Variants in SLC1A6 observed in about 807,000 individuals in gnomAD.
SLC1A6 encodes solute carrier family 1 member 6.
SLC1A6 carries 15 observed loss-of-function variants against 42.1 expected under a neutral mutation model. The observed-to-expected ratio is 0.36, with a 90% CI of 0.24 to 0.55. SLC1A6 has a LOEUF of 0.55. Among genes scored for constraint, SLC1A6 ranks in the 20% least tolerant of loss-of-function variants. The pLI is 0.88. For synonymous variants in SLC1A6, 317 were observed against 319.7 expected, an observed-to-expected ratio of 0.99 and a Z score of 0.09; for missense variants, 542 against 772.5, an observed-to-expected ratio of 0.70 and a Z score of 3.54.
At position 15,000,234 on chromosome 19, in the gene SLC1A6, AACCT is replaced by A. The variant is rs2145240112; in HGVS notation, c.6+10247_6+10250del. ...ACTTATGATGGGTTTATCAGGATGT[AACCT>A]TATCATAAGTTGAGGAAAATCTCTA... On this transcript the variant is annotated intron_variant, in intron 1 of 8. Coordinates refer to the SLC1A6 transcript ENST00000430939. Among the ~76,000 whole-genome samples the A allele has an allele frequency of 1.3e-5, 2 of 152,328 alleles. 1 individual carries two copies. The highest frequency in any genetic ancestry group is 4.1e-4 in the South Asian group (2 of 4,834).
chr19:14,971,213 A>T (rs1334332877), intron 3 of SLC1A6, among the ~76,000 whole-genome samples: 1 of 152,196 alleles, frequency 6.6e-6, no homozygotes, highest in Non-Finnish European at 1.5e-5. Context: ...TTCAAGGGTC[A>T]ACCCTAGTTG....
At chr19:15,007,841 A>G (rs2045903063) in intron 1 of SLC1A6, among the ~76,000 whole-genome samples, 1 of 151,964 alleles carries the variant, frequency 6.6e-6, no homozygotes, top group Admixed American at 6.6e-5. Flanking sequence ...CCTGGCTAAC[A>G]TGGTGAAACC....
chr19:14,989,555 C>T (rs767124751), intron 1 of SLC1A6, among the ~76,000 whole-genome samples: 30 of 146,170 alleles, frequency 2.1e-4, no homozygotes, highest in East Asian at 7.9e-4. Context: ...CCACCGTGCC[C>T]GGCCAAAAAT....
intron 3 of SLC1A6, 32 bp from the exon 4 acceptor site, chr19:14,968,539 C>G (rs1239218330): frequency 6.5e-7 from 1 of 1,550,318 alleles, no homozygotes; most frequent in Non-Finnish European, 8.8e-7. Context: ...CCCCGCAGCT[C>G]CATGCATACC....
At chr19:14,984,669 C>A (rs957688192), upstream of SLC1A6, among the ~76,000 whole-genome samples, 8 of 152,138 alleles carry the variant, frequency 5.3e-5, no homozygotes, top group Non-Finnish European at 1.2e-4. Context: ...TTTAACCATG[C>A]ATGATTTTGA....
At chr19:14,968,571 C>A in intron 3 of SLC1A6, 64 bp from the exon 4 acceptor site, 1 of 1,359,648 alleles carries the variant, frequency 7.4e-7, no homozygotes. Flanking sequence ...CTCCTAGCAT[C>A]CGTTCCACCC....
chr19:14,997,764 C>T (rs1032667569), intron 1 of SLC1A6, among the ~76,000 whole-genome samples: 2 of 152,124 alleles, frequency 1.3e-5, no homozygotes, highest in African/African-American at 4.8e-5. Flanking sequence ...TGGTTGAAAG[C>T]CACAGGAATT....
intron 1 of SLC1A6, among the ~76,000 whole-genome samples, chr19:14,999,101 A>G (rs544111604): frequency 6.8e-4 from 103 of 152,008 alleles, no homozygotes; most frequent in African/African-American, 2.3e-3. Flanking sequence ...GATGGTCTCA[A>G]TCTCCTGACC....
At chr19:14,996,568 T>TTCTTCTTCC (rs2045848398) in intron 1 of SLC1A6, among the ~76,000 whole-genome samples, 1 of 150,570 alleles carries the variant, frequency 6.6e-6, no homozygotes, top group African/African-American at 2.4e-5. Context: ...CTTGTTCTTC[T>TTCTTCTTCC]TCCTCTTCTT....
chr19:14,987,866 T>C (rs1441544678), intron 1 of SLC1A6, among the ~76,000 whole-genome samples: 1 of 152,082 alleles, frequency 6.6e-6, no homozygotes, highest in Admixed American at 6.6e-5. Context: ...TTTGTTTTGG[T>C]TTGGTTTTTT....
chr19:14,993,623 G>A (rs904224333), intron 1 of SLC1A6, among the ~76,000 whole-genome samples: 1 of 152,162 alleles, frequency 6.6e-6, no homozygotes. Flanking sequence ...CATGCAAGGG[G>A]TAAAGGAATT....
At chr19:14,965,792 G>C (rs1257603558) in intron 4 of SLC1A6, among the ~76,000 whole-genome samples, 1 of 150,824 alleles carries the variant, frequency 6.6e-6, no homozygotes, top group East Asian at 1.9e-4. Flanking sequence ...AGAGGTTGCA[G>C]TGAGCTGAGA....
Position 14,954,293 on chromosome 19 carries a change from C to T in SLC1A6, c.1206G>A (p.Glu402=). 1 of 1,611,898 alleles carries T rather than the reference C, an allele frequency of 6.2e-7. No individual in the cohort carries two copies. ...ATLPITFRCL[E]EGLGVDRRIT... ...TGCGGCGGTCCACACCCAGGCCCTCCTCCAGGCAGCGGAAGGTGATGGGCA... is the reference window on the plus strand; with the variant it reads ...TGCGGCGGTCCACACCCAGGCCCTCTTCCAGGCAGCGGAAGGTGATGGGCA... Residue 402 remains glutamate (E), a synonymous_variant, in exon 8 of 10, where the codon GAG becomes GAA. Transcript: ENST00000594383.
chr19:14,994,274 T>G (rs1196197458), intron 1 of SLC1A6, among the ~76,000 whole-genome samples: 3 of 151,698 alleles, frequency 2.0e-5, no homozygotes, highest in African/African-American at 7.3e-5. Flanking sequence ...GAGGCCAGAG[T>G]ATTTATTTCC....
intron 1 of SLC1A6, among the ~76,000 whole-genome samples, chr19:14,995,323 C>A (rs1395471015): frequency 2.2e-5 from 1 of 45,134 alleles, no homozygotes. Flanking sequence ...GAAACTCCAT[C>A]TCCAAAAAAA....
At chr19:14,973,125 C>T in intron 1 of SLC1A6, 1 of 558,990 alleles carries the variant, frequency 1.8e-6, no homozygotes, top group Non-Finnish European at 3.2e-6. Flanking sequence ...TCAAGACTGG[C>T]CTGGGCAGCT....
intron 3 of SLC1A6, among the ~76,000 whole-genome samples, chr19:14,970,886 C>T (rs1356353312): frequency 1.3e-5 from 2 of 152,148 alleles, no homozygotes; most frequent in Non-Finnish European, 2.9e-5. Flanking sequence ...TATCCCAGCA[C>T]TTTGGGAGGC....
chr19:15,001,551 A>G (rs958077483), intron 1 of SLC1A6, among the ~76,000 whole-genome samples: 16 of 152,188 alleles, frequency 1.1e-4, no homozygotes, highest in African/African-American at 3.4e-4. Flanking sequence ...ATGGGGCCAG[A>G]TGGTAAGAAA....
At chr19:14,975,720 T>C (rs2045697136) in intron 1 of SLC1A6, among the ~76,000 whole-genome samples, 1 of 136,224 alleles carries the variant, frequency 7.3e-6, no homozygotes, top group Admixed American at 8.2e-5. Context: ...ACCACTGTAC[T>C]CCAGCCTGGG....
Sources: allele counts gnomAD v4.1 joint callset (sites outside exome capture counted in the v4.1 genomes callset), GRCh38; gene constraint gnomAD v4.1.1; transcripts MANE v1.5; gene names NCBI Gene and HGNC (gene_info 2026-07-23, HGNC 2026-07-21).